Variants in ADCY3 observed in about 807,000 individuals in gnomAD.
The protein encoded by ADCY3 is adenylate cyclase 3.
ADCY3 carries 70 observed loss-of-function variants against 119.4 expected under a neutral mutation model. The ratio of observed to expected loss-of-function variants is 0.59; its 90% confidence interval spans 0.48 to 0.72. The LOEUF is 0.72. ADCY3 is among the 30% of genes least tolerant of loss of function. ADCY3 has a pLI of 0.00. For synonymous variants in ADCY3, 672 were observed against 621.4 expected, an observed-to-expected ratio of 1.08 and a Z score of -1.21; for missense variants, 1,238 against 1,541.6, an observed-to-expected ratio of 0.80 and a Z score of 3.30.
intron 3 of ADCY3, among the ~76,000 whole-genome samples, chr2:24,866,577 A>G (rs961855618): frequency 6.0e-5 from 9 of 150,350 alleles, no homozygotes; most frequent in Middle Eastern, 3.5e-3. Flanking sequence ...AAAAAAAAAA[A>G]AAAAAAAAGA....
chr2:24,850,612 CA>C (rs1672181859), intron 3 of ADCY3, among the ~76,000 whole-genome samples: 1 of 152,216 alleles, frequency 6.6e-6, no homozygotes, highest in African/African-American at 2.4e-5. Flanking sequence ...AAGAATGTTC[CA>C]AACCTTTGAC....
At chr2:24,874,273 C>T (rs529845848) in intron 2 of ADCY3, among the ~76,000 whole-genome samples, 1 of 152,296 alleles carries the variant, frequency 6.6e-6, no homozygotes, top group Non-Finnish European at 1.5e-5. Flanking sequence ...CCAAGCTCTG[C>T]TGGCGTCTGG....
intron 2 of ADCY3, among the ~76,000 whole-genome samples, chr2:24,880,526 G>A (rs1384202211): frequency 2.0e-5 from 3 of 152,224 alleles, no homozygotes; most frequent in African/African-American, 2.4e-5. Context: ...ATGTTATGAC[G>A]AGTCTGTGAC....
chr2:24,901,237 G>A (rs1005192119), intron 2 of ADCY3, among the ~76,000 whole-genome samples: 10 of 152,126 alleles, frequency 6.6e-5, no homozygotes, highest in Admixed American at 2.6e-4. Flanking sequence ...TACACGTGCC[G>A]CAGGCAAGCT....
chr2:24,912,568 CATGTGTGTGT>C, intron 2 of ADCY3, among the ~76,000 whole-genome samples: 1 of 105,962 alleles, frequency 9.4e-6, no homozygotes, highest in African/African-American at 3.5e-5. Context: ...TGTGTGTGTG[CATGTGTGTGT>C]GTGTGTGCAT....
intron 3 of ADCY3, among the ~76,000 whole-genome samples, chr2:24,862,947 C>CT (rs1673855674): frequency 6.6e-6 from 1 of 152,086 alleles, no homozygotes; most frequent in South Asian, 2.1e-4. Context: ...CTTATCTCCC[C>CT]TAAGGCCATA....
rs145332623 is a variant in ADCY3, at chr2:24,885,093, T to G, written c.676-12374A>C. On this transcript the variant is annotated intron_variant, in intron 2 of 21. Transcript: ENST00000679454. ...AGTCACATGACAGAGACTTCCAAATTCCAAAATTCAAGTTCAAGGCCCTGG... is the reference window on the plus strand; with the variant it reads ...AGTCACATGACAGAGACTTCCAAATGCCAAAATTCAAGTTCAAGGCCCTGG... 4.6e-5 allele frequency among the ~76,000 whole-genome samples: 7 copies of G among 152,174 alleles called. No homozygotes were observed. In the East Asian group the frequency reaches 1.4e-3, roughly 29 times the overall value.
intron 3 of ADCY3, among the ~76,000 whole-genome samples, chr2:24,867,232 G>A (rs1209995546): frequency 1.3e-5 from 2 of 152,220 alleles, no homozygotes; most frequent in Non-Finnish European, 2.9e-5. Context: ...ATTTCAACAG[G>A]AATGAAGGAA....
intron 15 of ADCY3, among the ~76,000 whole-genome samples, chr2:24,827,023 GTTC>G (rs1668717912): frequency 6.6e-6 from 1 of 152,148 alleles, no homozygotes; most frequent in South Asian, 2.1e-4. Context: ...GCCATTTAGA[GTTC>G]TTCTTTTGCT....
intron 2 of ADCY3, among the ~76,000 whole-genome samples, chr2:24,896,432 C>T (rs1332152340): frequency 3.9e-5 from 6 of 151,966 alleles, no homozygotes. Context: ...AATTCCATCA[C>T]ATCTTTGTCA....
At position 24,819,841 on chromosome 2, in the gene ADCY3, G is replaced by GTA; in HGVS notation, c.*90_*91insTA. The GTA allele has an allele frequency of 7.4e-7, 1 of 1,358,520 alleles. No individual in the cohort carries two copies. Among genetic ancestry groups the GTA allele is most frequent in the Non-Finnish European group, 1.0e-6 (1 of 986,398 alleles). The allele number at this position is 1,358,520 out of a possible 1,614,324, so 84.2% of individuals were successfully genotyped here. A position where few individuals can be genotyped will look rare whatever the true frequency, so the allele number is the denominator to read the frequency against. On this transcript the variant is annotated 3_prime_UTR_variant, in exon 22 of 22. Transcript: ENST00000679454. ...GTTTCTAAACCTAAAGTCCATGAGT[G>GTA]TGCACTTCAATCCAGGAAGGTCGGG... is the stretch of plus-strand genomic sequence containing the variant.
chr2:24,900,400 A>G (rs1055660767), intron 2 of ADCY3, among the ~76,000 whole-genome samples: 1 of 152,056 alleles, frequency 6.6e-6, no homozygotes, highest in Non-Finnish European at 1.5e-5. Flanking sequence ...TTATGTAGAC[A>G]ATAGCTCTAT....
At chr2:24,887,469 C>T (rs1216933553) in intron 2 of ADCY3, among the ~76,000 whole-genome samples, 1 of 152,174 alleles carries the variant, frequency 6.6e-6, no homozygotes, top group Non-Finnish European at 1.5e-5. Flanking sequence ...ATTTTCACAG[C>T]CTGGGAACAC....
chr2:24,907,347 G>T (rs1662983960), intron 2 of ADCY3, among the ~76,000 whole-genome samples: 1 of 152,152 alleles, frequency 6.6e-6, no homozygotes, highest in African/African-American at 2.4e-5. Context: ...CCCAGACATG[G>T]AAATCTTGCG....
In ADCY3 at chr2:24,841,345, G is replaced by A; in HGVS notation, c.1110C>T (p.Tyr370=). 1 of 1,604,350 alleles carries A rather than the reference G, an allele frequency of 6.2e-7. No homozygotes were observed. The highest frequency in any genetic ancestry group is 1.7e-5 in the Admixed American group (1 of 58,422). The part of the protein sequence containing the change: ...QLRIKILGDC[Y]YCICGLPDYR... ...AGTCGGGCAAGCCGCAGATGCAGTA[G>A]TAGCAGTCGCCCAGGATCTTAATCC... The change falls in exon 6 of 22, where the codon TAC becomes TAT. Residue 370 remains tyrosine, a synonymous_variant. Coordinates refer to ENST00000679454, the MANE Select transcript of ADCY3 (RefSeq NM_004036.5). This position sits in a 1 kb window ranked among gnomAD's most constrained non-coding sequence, Gnocchi z 5.8.
chr2:24,856,556 G>A (rs1327271639), intron 3 of ADCY3, among the ~76,000 whole-genome samples: 3 of 152,198 alleles, frequency 2.0e-5, no homozygotes, highest in Non-Finnish European at 2.9e-5. Context: ...ATGGAGAGAA[G>A]GACCAGGCCT....
At chr2:24,851,331 C>T (rs1277739821) in intron 3 of ADCY3, among the ~76,000 whole-genome samples, 3 of 152,196 alleles carry the variant, frequency 2.0e-5, no homozygotes, top group Admixed American at 6.5e-5. Flanking sequence ...GGGCTGGCTT[C>T]GCTCTGTAGC....
rs547318205 is a variant in ADCY3, at chr2:24,886,451, T to G, written c.676-13732A>C. Among the ~76,000 whole-genome samples the G allele has an allele frequency of 9.2e-5, 14 of 152,074 alleles. No homozygotes were observed. In the East Asian group the frequency reaches 2.1e-3, roughly 23 times the overall value. Reference sequence around the variant, plus strand: ...CTACATCATGTTTAGCAAACACGCCTCACCTCCACCCGGACCTTGCAAAGG... The same window carrying G: ...CTACATCATGTTTAGCAAACACGCCGCACCTCCACCCGGACCTTGCAAAGG... On this transcript the variant is annotated intron_variant, in intron 2 of 21. Coordinates refer to ENST00000679454, the MANE Select transcript of ADCY3 (RefSeq NM_004036.5).
At chr2:24,896,092 A>G (rs1488711289) in intron 2 of ADCY3, among the ~76,000 whole-genome samples, 1 of 152,124 alleles carries the variant, frequency 6.6e-6, no homozygotes, top group Non-Finnish European at 1.5e-5. Context: ...ATATTTATAA[A>G]AGTTATATTC....
Sources: gnomAD v4.1 joint callset for allele counts (sites outside exome capture counted in the v4.1 genomes callset) on GRCh38, gnomAD v4.1.1 for gene constraint, Gnocchi (gnomAD v3.1) non-coding constraint, MANE v1.5 for transcripts, NCBI Gene and HGNC (gene_info 2026-07-23, HGNC 2026-07-21) for gene names.